CLRN1: variants seen among roughly 807,000 people sequenced by gnomAD.
CLRN1 encodes the protein clarin-1.
Under a neutral mutation model 18.7 loss-of-function variants are expected in CLRN1, and 15 were observed. That is an observed-to-expected ratio of 0.80 (90% CI 0.54 to 1.23). The LOEUF is 1.23. Among genes scored for constraint, CLRN1 ranks in the 50% most tolerant of loss-of-function variants. CLRN1 has a pLI of 0.00. For synonymous variants in CLRN1, 104 were observed against 102.9 expected (o/e 1.01, Z -0.07); for missense variants, 311 against 277.5 (o/e 1.12, Z -0.86).
Position 150,927,659 on chromosome 3 carries a change from C to T in CLRN1, c.*277G>A, listed in dbSNP as rs200685524. ...ACACACACACACACACACACACACA[C>T]ATATATATATATGGAGTAACAATTT... On this transcript the variant is annotated 3_prime_UTR_variant, in exon 3 of 3. Coordinates refer to ENST00000327047, the MANE Select transcript of CLRN1 (RefSeq NM_174878.3). The T allele has an allele frequency of 0.015, 6,132 of 399,132 alleles. 45 individuals carry two copies. The highest frequency in any genetic ancestry group is 0.021 in the Non-Finnish European group (4,399 of 206,932). The allele number at this position is 399,132 out of a possible 1,614,324, so 24.7% of individuals were successfully genotyped here. A position where few individuals can be genotyped will look rare whatever the true frequency, so the allele number is the denominator to read the frequency against.
At position 150,950,290 on chromosome 3, in the gene CLRN1, A is replaced by G. The variant is rs574102154; in HGVS notation, c.254-8529T>C. On this transcript the variant is annotated intron_variant, in intron 1 of 2. Coordinates refer to ENST00000327047, the MANE Select transcript of CLRN1 (RefSeq NM_174878.3). ...GACAAAGACACCAAAAGCAATTGCA[A>G]CAAAAGCAAAAATTGACAAATGGGA... 3.3e-5 allele frequency among the ~76,000 whole-genome samples: 5 copies of G among 152,366 alleles called. No individual in the cohort carries two copies. In the South Asian group the frequency reaches 1.0e-3, roughly 32 times the overall value.
chr3:150,944,553 GT>G (rs1232228705), intron 1 of CLRN1, among the ~76,000 whole-genome samples: 1 of 84,348 alleles, frequency 1.2e-5, no homozygotes, highest in Non-Finnish European at 2.8e-5. Flanking sequence ...GATAGGACTT[GT>G]TTAAAAAAAA....
chr3:150,938,050 A>T (rs2107944073), intron 2 of CLRN1, among the ~76,000 whole-genome samples: 1 of 152,280 alleles, frequency 6.6e-6, no homozygotes, highest in South Asian at 2.1e-4. Context: ...GGAAGTAGAC[A>T]GTTGAAGAAA....
chr3:150,930,014 C>T (rs111701331), intron 2 of CLRN1, among the ~76,000 whole-genome samples: 5,006 of 152,194 alleles, frequency 0.033, 125 homozygotes, highest in Non-Finnish European at 0.042. Context: ...ATTCTCTAGA[C>T]TTATATGGGG....
At chr3:150,968,939 G>A (rs986643793) in intron 1 of CLRN1, among the ~76,000 whole-genome samples, 7 of 151,678 alleles carry the variant, frequency 4.6e-5, no homozygotes, top group Non-Finnish European at 8.8e-5. Flanking sequence ...CCCCACCCCC[G>A]CGTCTCTGTA....
chr3:150,933,958 G>A (rs1559979132), intron 2 of CLRN1, among the ~76,000 whole-genome samples: 1 of 152,148 alleles, frequency 6.6e-6, no homozygotes, highest in Non-Finnish European at 1.5e-5. Flanking sequence ...GAAACTAGCA[G>A]AATACATTCA....
At chr3:150,928,279 C>A in intron 2 of CLRN1, 78 bp from the exon 3 acceptor site, 2 of 1,535,272 alleles carry the variant, frequency 1.3e-6, no homozygotes, top group Admixed American at 1.8e-5. Flanking sequence ...ATGTGTAAAC[C>A]AAGGAATTCT....
chr3:150,931,757 T>C (rs1297168197), intron 2 of CLRN1, among the ~76,000 whole-genome samples: 1 of 152,150 alleles, frequency 6.6e-6, no homozygotes, highest in Non-Finnish European at 1.5e-5. Context: ...CCTACATGTC[T>C]CTCTCCTCTT....
chr3:150,941,900 C>A (rs1713868498), intron 1 of CLRN1, 139 bp from the exon 2 acceptor site: 1 of 790,594 alleles, frequency 1.3e-6, no homozygotes, highest in South Asian at 1.6e-5. Context: ...CACTTACTAA[C>A]TTATAAGGGG....
intron 1 of CLRN1, among the ~76,000 whole-genome samples, chr3:150,948,178 A>T (rs1217826703): frequency 1.3e-5 from 2 of 152,150 alleles, no homozygotes; most frequent in African/African-American, 4.8e-5. Flanking sequence ...AAGAGAGAGG[A>T]TTCAAATAAA....
chr3:150,946,236 A>T (rs533318368), intron 1 of CLRN1, among the ~76,000 whole-genome samples: 1 of 152,360 alleles, frequency 6.6e-6, no homozygotes, highest in Non-Finnish European at 1.5e-5. Flanking sequence ...TTAAGCACTT[A>T]TCTGATTTAA....
upstream of CLRN1, chr3:150,972,909 C>T (rs1715628832): frequency 1.4e-6 from 1 of 722,426 alleles, no homozygotes; most frequent in African/African-American, 1.7e-5. Context: ...CTTGGCTTTT[C>T]TCCTTTTCTG....
At chr3:150,958,254 C>T (rs962000101) in intron 1 of CLRN1, among the ~76,000 whole-genome samples, 24 of 152,218 alleles carry the variant, frequency 1.6e-4, no homozygotes, top group African/African-American at 5.8e-4. Context: ...CATCTTCTGT[C>T]ATCAAGTTCT....
chr3:150,948,806 A>G (rs1029594129), intron 1 of CLRN1, among the ~76,000 whole-genome samples: 4 of 152,178 alleles, frequency 2.6e-5, no homozygotes, highest in African/African-American at 9.7e-5. Context: ...CCATTCCTAC[A>G]GAACCTATTC....
intron 1 of CLRN1, among the ~76,000 whole-genome samples, chr3:150,968,836 T>A (rs1206052987): frequency 1.3e-5 from 2 of 152,142 alleles, no homozygotes; most frequent in Non-Finnish European, 2.9e-5. Flanking sequence ...CATGTGACCC[T>A]ATGCAAATCA....
chr3:150,941,567 G>T lies in CLRN1; in HGVS notation c.433+15C>A. ...AAAAGCACATTTGTCTTCAGAGGTA[G>T]AATTTTGTACTTACCTGAAATGAAG... On this transcript the variant is annotated intron_variant, in intron 2 of 2. Coordinates refer to ENST00000327047, the MANE Select transcript of CLRN1 (RefSeq NM_174878.3). 8.1e-6 allele frequency: 13 copies of T among 1,613,476 alleles called. No homozygotes were observed. The highest frequency in any genetic ancestry group is 1.1e-5 in the Non-Finnish European group (13 of 1,179,522).
rs1468254069 is a variant in CLRN1 at position 150,941,741 on chromosome 3, C to T, written c.274G>A (p.Ala92Thr). 4 of 1,613,990 alleles carry T rather than the reference C, an allele frequency of 2.5e-6. No homozygotes were observed. In the South Asian group the frequency reaches 3.3e-5, roughly 13 times the overall value. Residue 92 changes from alanine (A) to threonine (T), a missense_variant, in exon 2 of 3, where the codon GCA becomes ACA. Transcript: ENST00000327047. ...RFSFFPDLLK[A>T]IPVSIHVNVI... Reference sequence around the variant, plus strand: ...TTGACGTGGATGCTCACTGGGATTGCTTTGAGCAAATCTGGAAAAACTGAA... The same window carrying T: ...TTGACGTGGATGCTCACTGGGATTGTTTTGAGCAAATCTGGAAAAACTGAA...
chr3:150,965,091 T>G (rs1715204188), intron 1 of CLRN1, among the ~76,000 whole-genome samples: 1 of 152,170 alleles, frequency 6.6e-6, no homozygotes, highest in Non-Finnish European at 1.5e-5. Flanking sequence ...AAGGATAATC[T>G]TACATATTTT....
intron 1 of CLRN1, among the ~76,000 whole-genome samples, chr3:150,963,604 C>A (rs1251474649): frequency 6.6e-6 from 1 of 152,122 alleles, no homozygotes; most frequent in African/African-American, 2.4e-5. Flanking sequence ...CCTGAATAGT[C>A]AAGACAATCC....
Sources: gnomAD v4.1 joint callset for allele counts (sites outside exome capture counted in the v4.1 genomes callset) on GRCh38, gnomAD v4.1.1 for gene constraint, MANE v1.5 for transcripts, NCBI Gene and HGNC (gene_info 2026-07-23, HGNC 2026-07-21) for gene names.